KLF12: variants seen among roughly 807,000 people sequenced by gnomAD.
The protein encoded by KLF12 is Krueppel-like factor 12.
Under a neutral mutation model 37.8 loss-of-function variants are expected in KLF12, and 9 were observed. That is an observed-to-expected ratio of 0.24 (90% CI 0.14 to 0.42). KLF12 has a LOEUF of 0.42. Among genes scored for constraint, KLF12 ranks in the 10% least tolerant of loss-of-function variants. The probability of loss-of-function intolerance (pLI) is 1.00; values close to 1 mark genes in which losing one functional copy is unlikely to be tolerated. For missense variants in KLF12, 411 were observed against 516.0 expected (o/e 0.80, Z 1.97); for synonymous variants, 208 against 202.1 (o/e 1.03, Z -0.25).
At chr13:73,915,455 A>G (rs1888774707) in intron 3 of KLF12, among the ~76,000 whole-genome samples, 1 of 150,826 alleles carries the variant, frequency 6.6e-6, no homozygotes, top group Non-Finnish European at 1.5e-5. Context: ...CACACACAAG[A>G]CGTTACACCC....
upstream of KLF12, among the ~76,000 whole-genome samples, chr13:74,136,145 G>A (rs1405615015): frequency 1.3e-5 from 2 of 152,170 alleles, no homozygotes; most frequent in African/African-American, 4.8e-5. Context: ...AATTTGTGGA[G>A]CACTGCTCGA....
chr13:73,890,514 G>A (rs181480358), intron 3 of KLF12, among the ~76,000 whole-genome samples: 1 of 152,016 alleles, frequency 6.6e-6, no homozygotes, highest in Non-Finnish European at 1.5e-5. Context: ...ATGATTGGGG[G>A]AAATCATTTT....
the KLF12 span, among the ~76,000 whole-genome samples, chr13:74,188,529 T>C: frequency 1.3e-5 from 2 of 152,228 alleles, no homozygotes; most frequent in African/African-American, 4.8e-5. Flanking sequence ...TATTAAATTG[T>C]GGCTCAATTA....
the KLF12 span, among the ~76,000 whole-genome samples, chr13:74,208,688 A>T: frequency 6.6e-6 from 1 of 152,282 alleles, no homozygotes; most frequent in East Asian, 1.9e-4. Context: ...GTTTAAAAAC[A>T]TATGAGCCAG....
At chr13:73,716,747 C>T (rs1049076763) in intron 6 of KLF12, among the ~76,000 whole-genome samples, 3 of 151,806 alleles carry the variant, frequency 2.0e-5, no homozygotes, top group Admixed American at 6.6e-5. Flanking sequence ...TGTTTTATTC[C>T]TTTTTTTAAT....
the KLF12 span, among the ~76,000 whole-genome samples, chr13:74,267,737 G>A: frequency 6.6e-6 from 1 of 152,302 alleles, no homozygotes; most frequent in East Asian, 1.9e-4. Context: ...GATTTGGGAT[G>A]TGCTCAATAT....
At chr13:74,231,553 T>C in the KLF12 span, 1 of 152,250 alleles carries the variant, frequency 6.6e-6, no homozygotes, top group Non-Finnish European at 1.5e-5. Context: ...CTTTCTGTTA[T>C]GTCATGTTTC....
chr13:74,159,429 T>A, the KLF12 span, among the ~76,000 whole-genome samples: 7 of 152,122 alleles, frequency 4.6e-5, no homozygotes, highest in Non-Finnish European at 1.0e-4. Context: ...GAAAAATAAA[T>A]AAAGGAAGTG....
At chr13:74,020,623 G>A (rs1892817750) in intron 1 of KLF12, among the ~76,000 whole-genome samples, 1 of 152,162 alleles carries the variant, frequency 6.6e-6, no homozygotes, top group Non-Finnish European at 1.5e-5. Flanking sequence ...GGGCGCAGTG[G>A]CTCACGTCTG....
At chr13:73,708,649 A>G (rs879414885) in intron 7 of KLF12, among the ~76,000 whole-genome samples, 1 of 152,146 alleles carries the variant, frequency 6.6e-6, no homozygotes, top group Non-Finnish European at 1.5e-5. Flanking sequence ...AAATTACTAG[A>G]GCATTTATTT....
intron 2 of KLF12, among the ~76,000 whole-genome samples, chr13:73,971,322 T>C (rs1205469194): frequency 1.3e-5 from 2 of 152,168 alleles, no homozygotes; most frequent in Non-Finnish European, 2.9e-5. Flanking sequence ...ATTAACTTCC[T>C]TCACAAAATA....
At chr13:74,290,687 A>AGAG in the KLF12 span, among the ~76,000 whole-genome samples, 3,832 of 152,274 alleles carry the variant, frequency 0.025, 72 homozygotes, top group African/African-American at 0.037. Context: ...GTACTTCTGG[A>AGAG]GAGTTTTAGG....
At chr13:74,172,634 TTGA>T in the KLF12 span, among the ~76,000 whole-genome samples, 1 of 152,206 alleles carries the variant, frequency 6.6e-6, no homozygotes, top group Non-Finnish European at 1.5e-5. Context: ...ATGAGTCTTT[TTGA>T]TGAGTAGTGA....
At chr13:74,238,070 G>C in the KLF12 span, among the ~76,000 whole-genome samples, 4 of 140,434 alleles carry the variant, frequency 2.8e-5, no homozygotes, top group Admixed American at 2.0e-4. Context: ...GATATTGGCT[G>C]TGGGTTTGTC....
At chr13:73,991,859 A>C (rs1891979218) in intron 2 of KLF12, among the ~76,000 whole-genome samples, 1 of 152,240 alleles carries the variant, frequency 6.6e-6, no homozygotes, top group East Asian at 1.9e-4. Context: ...GTGCGAAGAA[A>C]GAGCCTTGGA....
At chr13:73,724,978 C>CT (rs144088271) in intron 6 of KLF12, among the ~76,000 whole-genome samples, 17 of 152,018 alleles carry the variant, frequency 1.1e-4, no homozygotes, top group Admixed American at 9.8e-4. Context: ...ACGCTATTTC[C>CT]TTTTTTTTGC....
chr13:74,275,801 T>TC, the KLF12 span, among the ~76,000 whole-genome samples: 1 of 85,864 alleles, frequency 1.2e-5, no homozygotes, highest in African/African-American at 5.2e-5. Context: ...TTTCTTTCTT[T>TC]CTTTCCTTCT....
chr13:73,968,453 T>C (rs993587886), intron 2 of KLF12, among the ~76,000 whole-genome samples: 1 of 152,228 alleles, frequency 6.6e-6, no homozygotes, highest in Non-Finnish European at 1.5e-5. Context: ...CATATGCTTC[T>C]ATTTTACCTA....
At chr13:73,849,797 G>GT (rs1239670038) in intron 3 of KLF12, among the ~76,000 whole-genome samples, 1 of 152,104 alleles carries the variant, frequency 6.6e-6, no homozygotes, top group African/African-American at 2.4e-5. Flanking sequence ...ACTAAGTGGG[G>GT]TTTTTTTGTT....
Sources: gnomAD v4.1 joint callset for allele counts (sites outside exome capture counted in the v4.1 genomes callset) on GRCh38, gnomAD v4.1.1 for gene constraint, MANE v1.5 for transcripts, NCBI Gene and HGNC (gene_info 2026-07-23, HGNC 2026-07-21) for gene names.